Variants in ZNF474 observed in about 807,000 individuals in gnomAD.
The protein encoded by ZNF474 is 4933409D10Rik.
For synonymous variants in ZNF474, 192 were observed against 162.2 expected (o/e 1.18, Z -1.39); for missense variants, 511 against 433.8 (o/e 1.18, Z -1.58).
intron 1 of ZNF474, among the ~76,000 whole-genome samples, chr5:122,150,729 G>A (rs1185907592): frequency 6.6e-6 from 1 of 152,148 alleles, no homozygotes; most frequent in Admixed American, 6.5e-5. Context: ...ACAAATTTAA[G>A]ATTCTTCCCA....
At chr5:122,144,870 A>T (rs1349173213) in intron 1 of ZNF474, among the ~76,000 whole-genome samples, 1 of 152,216 alleles carries the variant, frequency 6.6e-6, no homozygotes, top group African/African-American at 2.4e-5. Context: ...TATTACAATT[A>T]TATGATCATA....
Position 122,152,428 on chromosome 5 carries a change from G to T in ZNF474, c.438G>T (p.Gly146=), listed in dbSNP as rs553792642. The T allele has an allele frequency of 1.2e-6, 2 of 1,614,158 alleles. No homozygotes were observed. The highest frequency in any genetic ancestry group is 1.1e-5 in the South Asian group (1 of 91,080). The part of the protein sequence containing the change: ...PSKPQSLSSS[G]SYSLQATNEA... ...AACCACAGTCTCTCAGCAGCAGTGG[G>T]TCCTACAGTCTTCAGGCAACTAACG... The change falls in exon 2 of 2, where the codon GGG becomes GGT. Residue 146 remains glycine, a synonymous_variant. Coordinates refer to ENST00000296600, the MANE Select transcript of ZNF474 (RefSeq NM_207317.3).
chr5:122,146,624 G>A (rs1213419440), intron 1 of ZNF474, among the ~76,000 whole-genome samples: 1 of 152,108 alleles, frequency 6.6e-6, no homozygotes, highest in Non-Finnish European at 1.5e-5. Context: ...CTCTCAATTA[G>A]TATTAGGTTT....
At position 122,152,224 on chromosome 5, in the gene ZNF474, G is replaced by T. The variant is rs191501947; in HGVS notation, c.234G>T (p.Ser78=). The change falls in exon 2 of 2, where the codon TCG becomes TCT. Residue 78 remains serine, a synonymous_variant. Coordinates refer to ENST00000296600, the MANE Select transcript of ZNF474 (RefSeq NM_207317.3). ...LSKLSSRRII[S]ESQLSPPVIP... ...AACTGTCAAGTAGAAGAATTATATCGGAAAGCCAGCTTAGCCCCCCTGTGA... is the reference window on the plus strand; with the variant it reads ...AACTGTCAAGTAGAAGAATTATATCTGAAAGCCAGCTTAGCCCCCCTGTGA... The T allele has an allele frequency of 3.7e-6, 6 of 1,614,118 alleles. No individual in the cohort carries two copies. Among genetic ancestry groups the T allele is most frequent in the Admixed American group, 3.3e-5 (2 of 60,006 alleles).
At chr5:122,149,920 TGA>T (rs369962675) in intron 1 of ZNF474, among the ~76,000 whole-genome samples, 3,477 of 132,834 alleles carry the variant, frequency 0.026, 97 homozygotes, top group African/African-American at 0.072. Flanking sequence ...TGTGCGCGCG[TGA>T]GAGAGAGAGA....
Position 122,152,172 on chromosome 5 carries a change from A to G in ZNF474, c.182A>G (p.Lys61Arg), listed in dbSNP as rs866996878. Reference protein sequence around the residue: ...GENIKTDTQKKRPGTVILSKL... With the variant: ...GENIKTDTQKRRPGTVILSKL... ...AATATAAAGACAGACACTCAGAAAAAGAGACCTGGGACTGTGATACTATCA... is the reference window on the plus strand; with the variant it reads ...AATATAAAGACAGACACTCAGAAAAGGAGACCTGGGACTGTGATACTATCA... Residue 61 changes from lysine to arginine, a missense_variant, in exon 2 of 2, where the codon AAG (lysine) becomes AGG (arginine). By Grantham distance (26) the Lys-to-Arg change is conservative (BLOSUM62 2). Transcript: ENST00000296600. The G allele has an allele frequency of 1.9e-6, 3 of 1,614,066 alleles. No homozygotes were observed. Among genetic ancestry groups the G allele is most frequent in the Non-Finnish European group, 2.5e-6 (3 of 1,180,040 alleles).
At chr5:122,140,825 C>G (rs917937955) in intron 1 of ZNF474, among the ~76,000 whole-genome samples, 27 of 152,170 alleles carry the variant, frequency 1.8e-4, no homozygotes, top group African/African-American at 6.0e-4. Context: ...TTTCTGGGCA[C>G]CACAGGCAGC....
In ZNF474 at chr5:122,151,794, C is replaced by G; in HGVS notation, c.-197C>G. 1 of 591,534 alleles carries G rather than the reference C, an allele frequency of 1.7e-6. No individual in the cohort carries two copies. The highest frequency in any genetic ancestry group is 3.0e-5 in the East Asian group (1 of 33,634). The allele number at this position is 591,534 out of a possible 1,614,324, so 36.6% of individuals were successfully genotyped here. ...GCCTCCACAGATCTTGGAGACATCTCAGCTTTAATGAGGACTTTCCAACAT... is the reference window on the plus strand; with the variant it reads ...GCCTCCACAGATCTTGGAGACATCTGAGCTTTAATGAGGACTTTCCAACAT... On this transcript the variant is annotated 5_prime_UTR_variant, in exon 2 of 2. Transcript: ENST00000296600.
chr5:122,130,999 G>A (rs534909593), intron 1 of ZNF474, among the ~76,000 whole-genome samples: 10 of 151,980 alleles, frequency 6.6e-5, no homozygotes, highest in Middle Eastern at 3.4e-3. Flanking sequence ...TCTTCCCTTC[G>A]TCTCATCCTC....
At chr5:122,145,841 C>T (rs1216091971) in intron 1 of ZNF474, among the ~76,000 whole-genome samples, 4 of 152,020 alleles carry the variant, frequency 2.6e-5, no homozygotes. Flanking sequence ...ATTATTATTA[C>T]TTATATTTTG....
chr5:122,132,451 T>C (rs1470506814), intron 1 of ZNF474, among the ~76,000 whole-genome samples: 2 of 152,104 alleles, frequency 1.3e-5, no homozygotes, highest in African/African-American at 2.4e-5. Context: ...TCCCAATCTA[T>C]GTCTTGCCTT....
At chr5:122,141,850 C>A (rs537126029) in intron 1 of ZNF474, among the ~76,000 whole-genome samples, 1 of 152,298 alleles carries the variant, frequency 6.6e-6, no homozygotes, top group African/African-American at 2.4e-5. Flanking sequence ...TTCTTTGGAA[C>A]AGCTAATTGA....
intron 1 of ZNF474, among the ~76,000 whole-genome samples, chr5:122,147,178 A>C (rs556055389): frequency 6.6e-6 from 1 of 152,306 alleles, no homozygotes; most frequent in South Asian, 2.1e-4. Flanking sequence ...ACTAGGCTGG[A>C]GAGTGGAGGC....
At chr5:122,139,608 G>A (rs1453904015) in intron 1 of ZNF474, among the ~76,000 whole-genome samples, 2 of 152,014 alleles carry the variant, frequency 1.3e-5, no homozygotes, top group African/African-American at 4.8e-5. Context: ...TATAATTATG[G>A]TACTATAAGA....
chr5:122,147,422 C>T (rs949259758), intron 1 of ZNF474, among the ~76,000 whole-genome samples: 7 of 152,122 alleles, frequency 4.6e-5, no homozygotes, highest in Non-Finnish European at 7.3e-5. Flanking sequence ...ATGTGCACAA[C>T]GTGCAGTTTC....
At chr5:122,147,561 TC>T (rs1449221734) in intron 1 of ZNF474, among the ~76,000 whole-genome samples, 1 of 150,458 alleles carries the variant, frequency 6.6e-6, no homozygotes, top group African/African-American at 2.5e-5. Context: ...TGTGTGATGT[TC>T]CCCGTGCTGT....
intron 1 of ZNF474, among the ~76,000 whole-genome samples, chr5:122,131,634 T>A (rs1164846245): frequency 6.6e-6 from 1 of 152,086 alleles, no homozygotes; most frequent in Non-Finnish European, 1.5e-5. Context: ...ATTAGATATA[T>A]GTTTTTATTT....
intron 1 of ZNF474, 23 bp from the exon 2 acceptor site, chr5:122,151,756 A>C (rs1580610856): frequency 2.3e-6 from 1 of 437,430 alleles, no homozygotes; most frequent in Admixed American, 3.9e-5. Context: ...ATAACTTCTT[A>C]TGTCTCCCAC....
chr5:122,133,652 T>C (rs1002640020), intron 1 of ZNF474, among the ~76,000 whole-genome samples: 13 of 152,164 alleles, frequency 8.5e-5, no homozygotes, highest in South Asian at 2.1e-4. Context: ...CTCGACCTCC[T>C]GGGCTCAAGC....
Sources: allele counts gnomAD v4.1 joint callset (sites outside exome capture counted in the v4.1 genomes callset), GRCh38; gene constraint gnomAD v4.1.1; transcripts MANE v1.5; gene names NCBI Gene and HGNC (gene_info 2026-07-23, HGNC 2026-07-21).